SUPT6H: variants seen among roughly 807,000 people sequenced by gnomAD.
The protein encoded by SUPT6H is transcription elongation factor SPT6.
In SUPT6H, 11 loss-of-function variants were observed where a neutral mutation model predicts 222.3. The observed-to-expected ratio is 0.05, with a 90% CI of 0.03 to 0.08. SUPT6H has a LOEUF of 0.08. Ranked by LOEUF, SUPT6H falls within the 10% of genes least tolerant of loss-of-function variation. The pLI is 1.00. For missense variants in SUPT6H, 1,422 were observed against 2,216.0 expected (o/e 0.64, Z 7.19); for synonymous variants, 762 against 801.2 (o/e 0.95, Z 0.83).
At chr17:28,684,989 T>C (rs1419896532) in intron 19 of SUPT6H, 28 bp downstream of exon 19, 3 of 1,589,372 alleles carry the variant, frequency 1.9e-6, no homozygotes, top group South Asian at 2.2e-5. Context: ...GGATACTAAG[T>C]GTACATCTGG....
intron 16 of SUPT6H, 24 bp downstream of exon 16, chr17:28,683,446 ACT>A (rs752831847): frequency 5.6e-6 from 9 of 1,611,878 alleles, no homozygotes; most frequent in Non-Finnish European, 7.6e-6. Flanking sequence ...TGGGCTGGCG[ACT>A]CTCTGGGGAA....
At chr17:28,685,724 T>G (rs2031347926) in intron 19 of SUPT6H, among the ~76,000 whole-genome samples, 1 of 152,280 alleles carries the variant, frequency 6.6e-6, no homozygotes, top group African/African-American at 2.4e-5. Flanking sequence ...ACTCAAGTGA[T>G]CCATCTGCCT....
chr17:28,697,558 G>A, intron 30 of SUPT6H, 62 bp from the exon 31 acceptor site: 1 of 1,394,700 alleles, frequency 7.2e-7, no homozygotes, highest in Non-Finnish European at 1.0e-6. Flanking sequence ...TCTTCTGGAT[G>A]GATTTGATCA....
chr17:28,686,223 A>T, intron 19 of SUPT6H, 116 bp from the exon 20 acceptor site: 1 of 923,080 alleles, frequency 1.1e-6, no homozygotes, highest in Non-Finnish European at 1.7e-6. Flanking sequence ...AGCACCTTGG[A>T]CCAGATATCT....
chr17:28,676,465 C>T (rs374462984), intron 7 of SUPT6H, 35 bp downstream of exon 7: 32 of 1,610,630 alleles, frequency 2.0e-5, no homozygotes, highest in Non-Finnish European at 2.6e-5. Context: ...TTCTACCAAT[C>T]CATAATTACC....
intron 1 of SUPT6H, chr17:28,671,196 C>T (rs189512854): frequency 2.6e-5 from 4 of 152,294 alleles, no homozygotes; most frequent in Non-Finnish European, 4.4e-5. Flanking sequence ...CTCCCACTGC[C>T]ATCTTTAACT....
chr17:28,669,135 T>C (rs749318994), intron 1 of SUPT6H, among the ~76,000 whole-genome samples: 7 of 152,266 alleles, frequency 4.6e-5, no homozygotes, highest in Non-Finnish European at 1.0e-4. Flanking sequence ...TTTAAAAATA[T>C]TTATTGATTT....
intron 1 of SUPT6H, among the ~76,000 whole-genome samples, chr17:28,672,406 T>C (rs1483999535): frequency 6.6e-6 from 1 of 151,804 alleles, no homozygotes; most frequent in Admixed American, 6.6e-5. Flanking sequence ...TTTCTTTTTT[T>C]CTTTTCTTTT....
At chr17:28,700,804 T>A in intron 35 of SUPT6H, 137 bp from the exon 36 acceptor site, 2 of 1,143,530 alleles carry the variant, frequency 1.7e-6, no homozygotes, top group Non-Finnish European at 2.5e-6. Context: ...GGCTTCCCAC[T>A]GCTGGTCAGA....
At chr17:28,673,733 T>G (rs1453600244) in intron 2 of SUPT6H, 1 of 519,498 alleles carries the variant, frequency 1.9e-6, no homozygotes, top group Non-Finnish European at 3.4e-6. Flanking sequence ...CCAGCTATTG[T>G]GGAGTTTACT....
chr17:28,689,358 G>T lies in SUPT6H; in HGVS notation c.3139G>T (p.Asp1047Tyr). The T allele has an allele frequency of 6.2e-7, 1 of 1,614,094 alleles. No homozygotes were observed. The highest frequency in any genetic ancestry group is 1.1e-5 in the South Asian group (1 of 91,052). The change falls in exon 25 of 37, where the codon GAC (aspartate) becomes TAC (tyrosine). Residue 1047 changes from aspartate to tyrosine, a missense_variant. This residue lies in a region of SUPT6H where 16 missense variants were observed against 88.5 expected (regional missense o/e 0.18). Transcript: ENST00000314616. ...IDTASLGDSTDSYIEVLDGSR... is the reference protein window; with the variant it reads ...IDTASLGDSTYSYIEVLDGSR... ...CCTTTTCTGCCTTTCCTCCAGCACT[G>T]ACTCATATATTGAAGTCCTTGATGG...
rs762607481 is a variant in SUPT6H at position 28,682,863 on chromosome 17, A to G, written c.1727+7A>G. The G allele has an allele frequency of 6.2e-7, 1 of 1,614,036 alleles. No individual in the cohort carries two copies. Among genetic ancestry groups the G allele is most frequent in the African/African-American group, 1.3e-5 (1 of 74,904 alleles). The stretch of plus-strand genomic sequence containing the variant: ...CCAAGGATTACGTTTGCAGGTAGGC[A>G]TGCAGCAGGTGGCTGACAGGAGGAG... On this transcript the variant is annotated splice_region_variant and intron_variant, in intron 14 of 36. Coordinates refer to ENST00000314616, the MANE Select transcript of SUPT6H (RefSeq NM_003170.5).
chr17:28,675,500 G>C lies in SUPT6H; in HGVS notation c.623+15G>C. 1 of 1,613,810 alleles carries C rather than the reference G, an allele frequency of 6.2e-7. No individual in the cohort carries two copies. ...TACACAGACGCGTGAGTGGGGTCTG[G>C]TACAAGGTGGGGATAAAGTGATTGA... On this transcript the variant is annotated intron_variant, in intron 6 of 36. Coordinates refer to ENST00000314616, the MANE Select transcript of SUPT6H (RefSeq NM_003170.5).
At chr17:28,681,441 G>T in intron 12 of SUPT6H, 37 bp downstream of exon 12, 2 of 1,556,918 alleles carry the variant, frequency 1.3e-6, no homozygotes, top group Non-Finnish European at 1.7e-6. Context: ...AGATTTGATG[G>T]CCATGCATGA....
chr17:28,683,491 C>G (rs1423991175), intron 16 of SUPT6H, 69 bp downstream of exon 16: 2 of 1,596,260 alleles, frequency 1.3e-6, no homozygotes, highest in East Asian at 4.5e-5. Flanking sequence ...AGGGAAGGGC[C>G]CCTCAGGAGT....
At chr17:28,664,434 A>T (rs1046656666) in intron 1 of SUPT6H, among the ~76,000 whole-genome samples, 5 of 152,222 alleles carry the variant, frequency 3.3e-5, no homozygotes, top group Non-Finnish European at 7.3e-5. Context: ...TGAACCAGGG[A>T]GGCAGAGGTG....
Position 28,682,806 on chromosome 17 carries a change from A to G in SUPT6H, c.1677A>G (p.Thr559=), listed in dbSNP as rs1306870609. 1 of 1,614,202 alleles carries G rather than the reference A, an allele frequency of 6.2e-7. No individual in the cohort carries two copies. Residue 559 remains threonine, a synonymous_variant, in exon 14 of 37, where the codon ACA becomes ACG. Coordinates refer to ENST00000314616, the MANE Select transcript of SUPT6H (RefSeq NM_003170.5). ...NLRDSYQRHE[T]EQFPAEPLEL... Reference sequence around the variant, plus strand: ...GGGATAGCTACCAGCGGCACGAGACAGAGCAGTTTCCCGCGGAGCCCTTGG... The same window carrying G: ...GGGATAGCTACCAGCGGCACGAGACGGAGCAGTTTCCCGCGGAGCCCTTGG...
Position 28,701,687 on chromosome 17 carries a change from C to G in SUPT6H, c.*62C>G. The G allele has an allele frequency of 1.3e-6, 2 of 1,505,696 alleles. No individual in the cohort carries two copies. The highest frequency in any genetic ancestry group is 3.9e-5 in the Admixed American group (2 of 51,220). 93.3% of individuals were successfully genotyped at this position (1,505,696 alleles called of 1,614,324 possible). ...TGGGAAAGGCCTGGCTGCCCACTGC[C>G]TCCCTCCCTGCCCCTCCTTTTATGT... is the stretch of plus-strand genomic sequence containing the variant. On this transcript the variant is annotated 3_prime_UTR_variant, in exon 37 of 37. Transcript: ENST00000314616.
chr17:28,679,508 C>A (rs559133493), intron 11 of SUPT6H, among the ~76,000 whole-genome samples: 2 of 152,102 alleles, frequency 1.3e-5, no homozygotes, highest in African/African-American at 4.8e-5. Context: ...ATGATTATGC[C>A]ACTATACTCC....
Sources: allele counts gnomAD v4.1 joint callset (sites outside exome capture counted in the v4.1 genomes callset), GRCh38; gene constraint gnomAD v4.1.1; regional missense constraint gnomAD v4.1.1; transcripts MANE v1.5; gene names NCBI Gene and HGNC (gene_info 2026-07-23, HGNC 2026-07-21).